The following RIMS1 variants were observed in gnomAD, a reference collection of about 807,000 sequenced individuals.
RIMS1 encodes regulating synaptic membrane exocytosis protein 1.
A neutral mutation model predicts 214.1 loss-of-function variants in RIMS1; 83 were observed. That is an observed-to-expected ratio of 0.39 (90% CI 0.32 to 0.47). The LOEUF (loss-of-function observed/expected upper bound fraction) is 0.47. Among genes scored for constraint, RIMS1 ranks in the 20% least tolerant of loss-of-function variants. The pLI is 0.99. For synonymous variants in RIMS1, 793 were observed against 786.8 expected (o/e 1.01, Z -0.13); for missense variants, 2,050 against 2,161.8 (o/e 0.95, Z 1.03).
chr6:71,990,175 A>T (rs1801169360), intron 2 of RIMS1, among the ~76,000 whole-genome samples: 1 of 152,202 alleles, frequency 6.6e-6, no homozygotes. Flanking sequence ...TTTTATTTGA[A>T]TGTCACCCAG....
chr6:72,306,114 T>C (rs1457783882), intron 26 of RIMS1, among the ~76,000 whole-genome samples: 2 of 152,116 alleles, frequency 1.3e-5, no homozygotes, highest in African/African-American at 4.8e-5. Context: ...ATGAACTCCT[T>C]GTAAGAGATA....
At chr6:72,207,501 T>C (rs572679720) in intron 6 of RIMS1, among the ~76,000 whole-genome samples, 14 of 152,316 alleles carry the variant, frequency 9.2e-5, no homozygotes, top group Non-Finnish European at 1.9e-4. Flanking sequence ...CTGATGTCCA[T>C]GACTATACCT....
At chr6:71,898,730 C>T (rs1218936358) in intron 1 of RIMS1, among the ~76,000 whole-genome samples, 1 of 152,148 alleles carries the variant, frequency 6.6e-6, no homozygotes, top group Non-Finnish European at 1.5e-5. Context: ...AATAAACATT[C>T]TAGCCACTGA....
intron 6 of RIMS1, among the ~76,000 whole-genome samples, chr6:72,184,420 G>A (rs889616869): frequency 2.6e-5 from 4 of 152,290 alleles, no homozygotes; most frequent in African/African-American, 4.8e-5. Flanking sequence ...AGCAAAACCC[G>A]TGCACTTTTT....
chr6:72,057,996 G>A (rs534787675), intron 2 of RIMS1, among the ~76,000 whole-genome samples: 1 of 152,312 alleles, frequency 6.6e-6, no homozygotes, highest in Non-Finnish European at 1.5e-5. Context: ...AGGTGCAGTT[G>A]CATAGTTGCT....
intron 1 of RIMS1, among the ~76,000 whole-genome samples, chr6:71,937,943 A>G (rs1784951636): frequency 6.6e-6 from 1 of 152,144 alleles, no homozygotes; most frequent in Non-Finnish European, 1.5e-5. Flanking sequence ...CCGGAGTCTC[A>G]TCTGAATAAA....
chr6:72,251,040 C>T lies in RIMS1; in HGVS notation c.2492C>T (p.Thr831Ile). 6.3e-7 allele frequency: 1 copy of T among 1,583,186 alleles called. No homozygotes were observed. The change falls in exon 14 of 34, where the codon ACT becomes ATT. Residue 831 changes from threonine to isoleucine, a missense_variant. Thr to Ile is a moderately conservative substitution (Grantham distance 89). Coordinates refer to ENST00000521978, the MANE Select transcript of RIMS1 (RefSeq NM_014989.7). ...RDFRERMLEI[T>I]VWDQPRVQEE... is the part of the protein sequence containing the mutation. ...TTTAGAGAACGAATGTTAGAAATAACTGTGTGGGACCAACCAAGAGTGCAA... is the reference window on the plus strand; with the variant it reads ...TTTAGAGAACGAATGTTAGAAATAATTGTGTGGGACCAACCAAGAGTGCAA...
At chr6:72,317,731 A>C (rs2095880990) in intron 28 of RIMS1, among the ~76,000 whole-genome samples, 1 of 152,176 alleles carries the variant, frequency 6.6e-6, no homozygotes, top group Admixed American at 6.5e-5. Flanking sequence ...CTTGAGTTAG[A>C]GTTATCTATA....
intron 2 of RIMS1, among the ~76,000 whole-genome samples, chr6:71,996,202 A>G (rs779632996): frequency 2.6e-5 from 4 of 152,326 alleles, no homozygotes; most frequent in Non-Finnish European, 5.9e-5. Flanking sequence ...GGACTTCAAC[A>G]TACAAAATTT....
intron 4 of RIMS1, among the ~76,000 whole-genome samples, chr6:72,149,191 A>G (rs1239146966): frequency 6.6e-6 from 1 of 152,230 alleles, no homozygotes; most frequent in East Asian, 1.9e-4. Flanking sequence ...AATAGACAGA[A>G]ACTGCATTTC....
At chr6:71,908,673 G>A (rs920196415) in intron 1 of RIMS1, among the ~76,000 whole-genome samples, 13 of 152,314 alleles carry the variant, frequency 8.5e-5, no homozygotes, top group African/African-American at 2.6e-4. Context: ...AGGATGCTGC[G>A]TTGGCAGCAC....
Position 72,401,139 on chromosome 6 carries a change from T to C in RIMS1, c.*425T>C, listed in dbSNP as rs542794061. The C allele has an allele frequency of 2.6e-5, 4 of 156,754 alleles. No individual in the cohort carries two copies. The highest frequency in any genetic ancestry group is 9.6e-5 in the African/African-American group (4 of 41,652). 9.7% of individuals were successfully genotyped at this position (156,754 alleles called of 1,614,324 possible). A position where few individuals can be genotyped will look rare whatever the true frequency, so the allele number is the denominator to read the frequency against. ...GTTTGAGTTGTTTTGTTCTTTTGTGTGTTTTGTTTATTTGTGTGTTGTTTG... is the reference window on the plus strand; with the variant it reads ...GTTTGAGTTGTTTTGTTCTTTTGTGCGTTTTGTTTATTTGTGTGTTGTTTG... On this transcript the variant is annotated 3_prime_UTR_variant, in exon 34 of 34. Coordinates refer to ENST00000521978, the MANE Select transcript of RIMS1 (RefSeq NM_014989.7).
At chr6:72,248,838 AT>A (rs1449321886) in intron 12 of RIMS1, among the ~76,000 whole-genome samples, 1 of 152,170 alleles carries the variant, frequency 6.6e-6, no homozygotes, top group African/African-American at 2.4e-5. Flanking sequence ...CAGAGAAGAT[AT>A]ATGTAAGCTT....
In RIMS1 at chr6:72,393,535, T is replaced by C. The variant is rs998732945; in HGVS notation, c.4618+725T>C. Among the ~76,000 whole-genome samples, 5 of 152,140 alleles carry C rather than the reference T, an allele frequency of 3.3e-5. No individual in the cohort carries two copies. The South Asian group carries it at 1.0e-3, about 32-fold the overall frequency. On this transcript the variant is annotated intron_variant, in intron 31 of 33. Transcript: ENST00000521978. ...GTCAGGAGACCGAGACCATCCTGGC[T>C]AACACGGTGAAACCCCCGTCTCTAC... is the stretch of plus-strand genomic sequence containing the variant.
At chr6:71,941,840 G>C (rs926535249) in intron 1 of RIMS1, among the ~76,000 whole-genome samples, 4 of 152,140 alleles carry the variant, frequency 2.6e-5, no homozygotes, top group African/African-American at 9.7e-5. Flanking sequence ...GCAAGCCTAG[G>C]CTTCGTGATC....
At chr6:72,050,895 G>A (rs929468320) in intron 2 of RIMS1, among the ~76,000 whole-genome samples, 6 of 152,162 alleles carry the variant, frequency 3.9e-5, no homozygotes. Flanking sequence ...TGGGAATGCA[G>A]TCTGCTAGCA....
intron 29 of RIMS1, among the ~76,000 whole-genome samples, chr6:72,384,108 A>G (rs538920567): frequency 7.9e-5 from 12 of 152,170 alleles, no homozygotes; most frequent in South Asian, 6.2e-4. Flanking sequence ...GATTTATCTG[A>G]TGTTATCTAT....
intron 2 of RIMS1, among the ~76,000 whole-genome samples, chr6:72,010,344 C>T (rs1416727387): frequency 6.6e-6 from 1 of 152,132 alleles, no homozygotes; most frequent in Non-Finnish European, 1.5e-5. Context: ...ATAATAAGAG[C>T]TATCTATGAC....
rs188661373 is a variant in RIMS1, at chr6:72,350,434, A to G, written c.4366+16599A>G. Among the ~76,000 whole-genome samples the G allele has an allele frequency of 1.1e-3, 166 of 152,204 alleles. 2 individuals are homozygous for G. The Middle Eastern group carries it at 0.017, about 16-fold the overall frequency. Reference sequence around the variant, plus strand: ...CTTTCTGCTGATGGCACTGGAGGCAACAGCATGTCTTCTAGAGGCCTCTGT... The same window carrying G: ...CTTTCTGCTGATGGCACTGGAGGCAGCAGCATGTCTTCTAGAGGCCTCTGT... On this transcript the variant is annotated intron_variant, in intron 29 of 33. Coordinates refer to ENST00000521978, the MANE Select transcript of RIMS1 (RefSeq NM_014989.7).
Sources: gnomAD v4.1 joint callset for allele counts (sites outside exome capture counted in the v4.1 genomes callset) on GRCh38, gnomAD v4.1.1 for gene constraint, MANE v1.5 for transcripts, NCBI Gene and HGNC (gene_info 2026-07-23, HGNC 2026-07-21) for gene names.